PDE5A: variants seen among roughly 807,000 people sequenced by gnomAD.
The protein encoded by PDE5A is cGMP-specific 3',5'-cyclic phosphodiesterase.
PDE5A carries 67 observed loss-of-function variants against 110.2 expected under a neutral mutation model. The ratio of observed to expected loss-of-function variants is 0.61; its 90% CI spans 0.50 to 0.75. The LOEUF is 0.75. Among genes scored for constraint, PDE5A ranks in the 30% least tolerant of loss-of-function variants. The pLI, the probability that PDE5A is intolerant of heterozygous loss-of-function variation, is 0.00. For missense variants in PDE5A, 862 were observed against 1,045.1 expected (o/e 0.82, Z 2.42); for synonymous variants, 328 against 351.2 (o/e 0.93, Z 0.74).
Position 119,525,541 on chromosome 4 carries a change from A to G in PDE5A, c.1779+8T>C. On this transcript the variant is annotated splice_region_variant and intron_variant, in intron 12 of 20. Transcript: ENST00000354960. This position sits in a 1 kb window ranked among gnomAD's most constrained non-coding sequence, Gnocchi z 4.3. ...AGACTTTTCCAAAGGATGTTGCTGC[A>G]TTCCTACCTCATGTTTCATCTGGAA... 6.2e-7 allele frequency: 1 copy of G among 1,612,170 alleles called. No homozygotes were observed. Among genetic ancestry groups the G allele is most frequent in the Admixed American group, 1.7e-5 (1 of 59,802 alleles).
chr4:119,579,788 T>TATTGTGC (rs1468682593), intron 3 of PDE5A, among the ~76,000 whole-genome samples: 1 of 151,806 alleles, frequency 6.6e-6, no homozygotes, highest in African/African-American at 2.4e-5. Flanking sequence ...CATGTATACA[T>TATTGTGC]ATGTAACTAA....
chr4:119,518,425 T>C (rs997782087), intron 14 of PDE5A, among the ~76,000 whole-genome samples: 1 of 152,232 alleles, frequency 6.6e-6, no homozygotes, highest in Non-Finnish European at 1.5e-5. Flanking sequence ...AGTGTCTCAC[T>C]CTCAAACTCA....
At chr4:119,594,377 G>A (rs1180788004) in intron 3 of PDE5A, among the ~76,000 whole-genome samples, 1 of 152,128 alleles carries the variant, frequency 6.6e-6, no homozygotes, top group Non-Finnish European at 1.5e-5. Flanking sequence ...AAGCTGTTTT[G>A]GGGGCCACGA....
intron 10 of PDE5A, 39 bp from the exon 11 acceptor site, chr4:119,539,058 G>A (rs1461424359): frequency 6.9e-7 from 1 of 1,457,546 alleles, no homozygotes; most frequent in Admixed American, 1.7e-5. Context: ...ACACAGGAGA[G>A]AACTACCACA....
rs1156604140 is a variant in PDE5A at position 119,505,896 on chromosome 4, A to AT, written c.2225dup (p.Asn742LysfsTer23). ...GATGAGGATCTTCCAAATTGAATTG[A>AT]TTTTTTCTTATAAGTTCAAAAAATT... is the stretch of plus-strand genomic sequence containing the variant. On this transcript the variant is annotated frameshift_variant, in exon 17 of 21. Transcript: ENST00000354960. LOFTEE classifies it high-confidence loss of function. 2 of 1,570,008 alleles carry AT rather than the reference A, an allele frequency of 1.3e-6. No homozygotes were observed. The highest frequency in any genetic ancestry group is 1.2e-5 in the South Asian group (1 of 83,610).
chr4:119,562,578 A>G (rs1397559423), intron 6 of PDE5A, among the ~76,000 whole-genome samples: 1 of 152,106 alleles, frequency 6.6e-6, no homozygotes, highest in Non-Finnish European at 1.5e-5. Flanking sequence ...AGACATTCCC[A>G]TGGTAACTAT....
chr4:119,573,119 T>C (rs1287382295), intron 3 of PDE5A, among the ~76,000 whole-genome samples: 1 of 152,230 alleles, frequency 6.6e-6, no homozygotes, highest in Non-Finnish European at 1.5e-5. Context: ...ATATACAATA[T>C]TGCATTCCAT....
intron 15 of PDE5A, among the ~76,000 whole-genome samples, chr4:119,510,794 T>C (rs987658414): frequency 6.6e-6 from 1 of 152,136 alleles, no homozygotes; most frequent in Non-Finnish European, 1.5e-5. Flanking sequence ...ATTTTGTTTG[T>C]TTCTAATTTG....
At position 119,542,947 on chromosome 4, in the gene PDE5A, G is replaced by T. The variant is rs1004776347; in HGVS notation, c.1397-313C>A. ...ACAATTTGTCCTTTGGAAGCTAATT[G>T]GATTTTTGTACACTTGCCAAGAGAA... On this transcript the variant is annotated intron_variant, in intron 9 of 20. Coordinates refer to ENST00000354960, the MANE Select transcript of PDE5A (RefSeq NM_001083.4). 5.5e-5 allele frequency: 12 copies of T among 217,358 alleles called. No homozygotes were observed. The South Asian group carries it at 9.1e-4, about 16-fold the overall frequency. 13.5% of individuals were successfully genotyped at this position (217,358 alleles called of 1,614,324 possible). A position where few individuals can be genotyped will look rare whatever the true frequency, so the allele number is the denominator to read the frequency against.
intron 16 of PDE5A, among the ~76,000 whole-genome samples, chr4:119,506,439 A>T (rs138226752): frequency 7.9e-5 from 12 of 151,954 alleles, no homozygotes; most frequent in Non-Finnish European, 1.8e-4. Context: ...GTGTACAGTG[A>T]ATACCTCTTT....
At chr4:119,615,311 A>C (rs1371941132) in intron 1 of PDE5A, among the ~76,000 whole-genome samples, 1 of 152,170 alleles carries the variant, frequency 6.6e-6, no homozygotes, top group Non-Finnish European at 1.5e-5. Flanking sequence ...ATGCACATGG[A>C]AGCATTTCAA....
At chr4:119,519,289 A>G (rs1578737972) in intron 13 of PDE5A, 150 bp from the exon 14 acceptor site, 2 of 568,704 alleles carry the variant, frequency 3.5e-6, no homozygotes, top group African/African-American at 1.9e-5. Flanking sequence ...CTAGAATCCT[A>G]TTCTTCAGGG....
intron 11 of PDE5A, among the ~76,000 whole-genome samples, chr4:119,534,100 G>GAAA (rs1314476456): frequency 1.3e-5 from 2 of 152,156 alleles, no homozygotes; most frequent in Non-Finnish European, 2.9e-5. Flanking sequence ...TTGCCAATGT[G>GAAA]AAAAACATGT....
rs953992318 is a variant in PDE5A, at chr4:119,496,609, T to TA, written c.*1991dup. 1 of 152,606 alleles carries TA rather than the reference T, an allele frequency of 6.6e-6. No individual in the cohort carries two copies. The highest frequency in any genetic ancestry group is 2.4e-5 in the African/African-American group (1 of 41,462). The allele number at this position is 152,606 out of a possible 1,614,324, so 9.5% of individuals were successfully genotyped here. A position where few individuals can be genotyped will look rare whatever the true frequency, so the allele number is the denominator to read the frequency against. On this transcript the variant is annotated 3_prime_UTR_variant, in exon 21 of 21. Coordinates refer to ENST00000354960, the MANE Select transcript of PDE5A (RefSeq NM_001083.4). ...ACCAAACAAACTACTAAAGCATAAG[T>TA]ACATATTTTAGCATAACTGCTAAAT... is the stretch of plus-strand genomic sequence containing the variant.
intron 3 of PDE5A, among the ~76,000 whole-genome samples, chr4:119,573,741 C>T (rs1027472360): frequency 9.2e-5 from 14 of 152,100 alleles, no homozygotes; most frequent in Non-Finnish European, 1.5e-4. Context: ...TCACAGCCTT[C>T]GTGGCTACGA....
intron 1 of PDE5A, among the ~76,000 whole-genome samples, chr4:119,615,476 T>C (rs940087711): frequency 5.3e-5 from 8 of 151,996 alleles, no homozygotes; most frequent in Admixed American, 4.6e-4. Flanking sequence ...AAAGGTTGTT[T>C]TTGGTGATAC....
At chr4:119,551,114 C>G (rs1727339021) in intron 9 of PDE5A, among the ~76,000 whole-genome samples, 1 of 152,140 alleles carries the variant, frequency 6.6e-6, no homozygotes, top group African/African-American at 2.4e-5. Context: ...AGCTTAGGCA[C>G]TAGATTAGCA....
intron 15 of PDE5A, 69 bp downstream of exon 15, chr4:119,510,978 G>C: frequency 1.0e-6 from 1 of 989,954 alleles, no homozygotes; most frequent in Non-Finnish European, 1.6e-6. Context: ...ATAAATCCAA[G>C]AACTAAAAAT....
At chr4:119,571,285 G>A (rs935399111) in intron 3 of PDE5A, among the ~76,000 whole-genome samples, 2 of 152,196 alleles carry the variant, frequency 1.3e-5, no homozygotes, top group African/African-American at 4.8e-5. Flanking sequence ...CTACGAATAT[G>A]TGACCCTTAA....
Sources: gnomAD v4.1 joint callset for allele counts (sites outside exome capture counted in the v4.1 genomes callset) on GRCh38, gnomAD v4.1.1 for gene constraint, Gnocchi (gnomAD v3.1) non-coding constraint, MANE v1.5 for transcripts, NCBI Gene and HGNC (gene_info 2026-07-23, HGNC 2026-07-21) for gene names.